The following ANKRD17 variants were observed in gnomAD, a reference collection of about 807,000 sequenced individuals.
ANKRD17 encodes ankyrin repeat domain 17, also known as ankyrin repeat domain-containing protein 17.
A neutral mutation model predicts 229.7 loss-of-function variants in ANKRD17; 19 were observed. The observed-to-expected ratio is 0.08, with a 90% confidence interval of 0.06 to 0.12. The LOEUF (loss-of-function observed/expected upper bound fraction) is 0.12, where lower values mean the gene tolerates loss of function less well. Among genes scored for constraint, ANKRD17 ranks in the 10% least tolerant of loss-of-function variants. The pLI is 1.00. For synonymous variants in ANKRD17, 1,112 were observed against 1,146.1 expected, an observed-to-expected ratio of 0.97 and a Z score of 0.60; for missense variants, 2,176 against 3,176.8, an observed-to-expected ratio of 0.68 and a Z score of 7.57.
chr4:73,173,990 C>A (rs758951562), intron 2 of ANKRD17, among the ~76,000 whole-genome samples: 3 of 151,314 alleles, frequency 2.0e-5, no homozygotes, highest in Non-Finnish European at 2.9e-5. Context: ...GGGAATCCTC[C>A]CTAAATCATT....
intron 29 of ANKRD17, among the ~76,000 whole-genome samples, chr4:73,089,217 T>C (rs993446414): frequency 2.0e-5 from 3 of 151,880 alleles, no homozygotes; most frequent in Non-Finnish European, 4.4e-5. Context: ...TTTATATTTT[T>C]GTAGAGATGG....
At chr4:73,118,404 C>T (rs1726263659) in intron 22 of ANKRD17, among the ~76,000 whole-genome samples, 2 of 151,762 alleles carry the variant, frequency 1.3e-5, no homozygotes. Flanking sequence ...ACTGGATTTA[C>T]ACTTTGTGAA....
chr4:73,159,470 T>C (rs550561406), intron 3 of ANKRD17, among the ~76,000 whole-genome samples: 3 of 152,346 alleles, frequency 2.0e-5, no homozygotes, highest in East Asian at 1.9e-4. Context: ...ATATTAAGCC[T>C]GGCACATGGC....
chr4:73,175,630 A>T (rs1331542051), intron 2 of ANKRD17, among the ~76,000 whole-genome samples: 1 of 152,236 alleles, frequency 6.6e-6, no homozygotes, highest in Non-Finnish European at 1.5e-5. Context: ...AGAATACAAT[A>T]GAAAACCCAG....
intron 24 of ANKRD17, among the ~76,000 whole-genome samples, chr4:73,107,176 G>A (rs546734449): frequency 6.6e-6 from 1 of 152,240 alleles, no homozygotes; most frequent in Non-Finnish European, 1.5e-5. Flanking sequence ...GCCAGATACT[G>A]GTCTAAGTTA....
At chr4:73,249,075 GA>G (rs1744753553) in intron 1 of ANKRD17, among the ~76,000 whole-genome samples, 1 of 152,110 alleles carries the variant, frequency 6.6e-6, no homozygotes, top group Non-Finnish European at 1.5e-5. Flanking sequence ...AGAGGGAAAG[GA>G]AAATAGATCT....
intron 6 of ANKRD17, 73 bp from the exon 7 acceptor site, chr4:73,151,597 T>C: frequency 8.6e-7 from 1 of 1,167,360 alleles, no homozygotes. Flanking sequence ...TTATAATATT[T>C]TGAAAAGTTA....
chr4:73,215,623 T>TA (rs1459681454), intron 1 of ANKRD17, among the ~76,000 whole-genome samples: 1 of 152,206 alleles, frequency 6.6e-6, no homozygotes, highest in Non-Finnish European at 1.5e-5. Flanking sequence ...ACCAATATTA[T>TA]AAAAATCATA....
chr4:73,107,687 T>G (rs542610395), intron 24 of ANKRD17, among the ~76,000 whole-genome samples: 4 of 152,258 alleles, frequency 2.6e-5, no homozygotes, highest in Non-Finnish European at 4.4e-5. Context: ...AAGCTCTAAG[T>G]TAGAACTGGA....
Position 73,258,542 on chromosome 4 carries a change from T to C in ANKRD17, c.127A>G (p.Ser43Gly). The change falls in exon 1 of 34, where the codon AGC becomes GGC. Residue 43 changes from serine (S) to glycine (G), a missense_variant. Physicochemically the swap from Ser to Gly is moderately conservative, Grantham distance 56. Around this residue, in one of 18 missense-constraint regions of ANKRD17, gnomAD observed 196 missense variants for 190.0 expected, o/e 1.03. Transcript: ENST00000358602. The stretch of plus-strand genomic sequence containing the variant: ...GGAGACGAGGCCGAGCGAGCTCTGC[T>C]GCTGCCGCCAACGCCGCCGCCGACC... ...AEVGGGVGGS[S>G]RARSASSPRG... The C allele has an allele frequency of 6.7e-7, 1 of 1,497,098 alleles. No individual in the cohort carries two copies. Among genetic ancestry groups the C allele is most frequent in the Non-Finnish European group, 8.8e-7 (1 of 1,130,938 alleles). The allele number at this position is 1,497,098 out of a possible 1,614,324, so 92.7% of individuals were successfully genotyped here.
chr4:73,115,359 T>C (rs1055582182), intron 23 of ANKRD17, among the ~76,000 whole-genome samples: 2 of 152,192 alleles, frequency 1.3e-5, no homozygotes, highest in African/African-American at 4.8e-5. Context: ...GGCACACTCT[T>C]GGCTCACTGC....
chr4:73,103,094 A>C (rs1287951478), intron 24 of ANKRD17, among the ~76,000 whole-genome samples: 1 of 152,058 alleles, frequency 6.6e-6, no homozygotes, highest in African/African-American at 2.4e-5. Flanking sequence ...GAAACAAGGT[A>C]AGTCTGTCAA....
intron 1 of ANKRD17, among the ~76,000 whole-genome samples, chr4:73,216,435 A>AGG (rs1220324445): frequency 2.0e-5 from 3 of 152,232 alleles, no homozygotes; most frequent in Non-Finnish European, 4.4e-5. Context: ...AAAGAATTTA[A>AGG]AACTATTGCT....
rs973730046 is a variant in ANKRD17, at chr4:73,155,743, C to T, written c.888G>A (p.Arg296=). The change falls in exon 5 of 34, where the codon AGG becomes AGA. Residue 296 remains arginine, a synonymous_variant. Coordinates refer to ENST00000358602, the MANE Select transcript of ANKRD17 (RefSeq NM_032217.5). The part of the protein sequence containing the change: ...LLAMHANVED[R]GIKGDITPLM... ...AAGGTGTAATGTCACCTTTGATTCC[C>T]CTATCTTCCACATTTGCATGCATTG... 1.9e-6 allele frequency: 3 copies of T among 1,614,052 alleles called. No homozygotes were observed. The highest frequency in any genetic ancestry group is 1.7e-5 in the Admixed American group (1 of 60,010).
chr4:73,146,743 T>G (rs945135539), intron 10 of ANKRD17, 21 bp downstream of exon 10: 8 of 1,517,910 alleles, frequency 5.3e-6, no homozygotes, highest in Non-Finnish European at 7.2e-6. Context: ...ATATTAAGAT[T>G]TAAAAAGTAA....
intron 1 of ANKRD17, among the ~76,000 whole-genome samples, chr4:73,249,968 C>T (rs1251238491): frequency 6.6e-6 from 1 of 152,234 alleles, no homozygotes; most frequent in East Asian, 1.9e-4. Context: ...CATTTTTAAA[C>T]TATCCCTCTC....
chr4:73,181,946 G>C (rs935020510), intron 1 of ANKRD17, among the ~76,000 whole-genome samples: 1 of 150,040 alleles, frequency 6.7e-6, no homozygotes, highest in Non-Finnish European at 1.5e-5. Context: ...TACTTGGAAG[G>C]CTGAGGCAGG....
intron 1 of ANKRD17, among the ~76,000 whole-genome samples, chr4:73,243,135 G>T (rs1014077811): frequency 1.3e-5 from 2 of 152,182 alleles, no homozygotes; most frequent in African/African-American, 4.8e-5. Flanking sequence ...AACAAGGAGG[G>T]TCAGTGCTAC....
chr4:73,110,082 A>G (rs576479545), intron 24 of ANKRD17, among the ~76,000 whole-genome samples: 63 of 148,842 alleles, frequency 4.2e-4, no homozygotes, highest in African/African-American at 1.5e-3. Context: ...AAAAAAAGGT[A>G]GAGGAAAAAA....
Sources: gnomAD v4.1 joint callset for allele counts (sites outside exome capture counted in the v4.1 genomes callset) on GRCh38, gnomAD v4.1.1 for gene constraint, gnomAD v4.1.1 regional missense constraint, MANE v1.5 for transcripts, NCBI Gene and HGNC (gene_info 2026-07-23, HGNC 2026-07-21) for gene names.